The following MYH7 variants were observed in gnomAD, a reference collection of about 807,000 sequenced individuals.
MYH7 encodes myosin-7.
In MYH7, 129 loss-of-function variants were observed where a neutral mutation model predicts 225.4. The observed-to-expected ratio is 0.57, with a 90% confidence interval of 0.50 to 0.66. The LOEUF (loss-of-function observed/expected upper bound fraction) is 0.66, where lower values mean the gene tolerates loss of function less well. Among genes scored for constraint, MYH7 ranks in the 30% least tolerant of loss-of-function variants. The pLI is 0.00. For missense variants in MYH7, 1,649 were observed against 2,517.0 expected, an observed-to-expected ratio of 0.66 and a Z score of 7.38; for synonymous variants, 971 against 1,007.6, an observed-to-expected ratio of 0.96 and a Z score of 0.69.
Position 23,430,929 on chromosome 14 carries a change from G to T in MYH7, c.867C>A (p.Ile289=), listed in dbSNP as rs1490031800. The T allele has an allele frequency of 1.9e-6, 3 of 1,613,988 alleles. No individual in the cohort carries two copies. The highest frequency in any genetic ancestry group is 2.5e-6 in the Non-Finnish European group (3 of 1,179,848). Residue 289 remains isoleucine (I), a synonymous_variant, in exon 10 of 40, where the codon ATC becomes ATA. Coordinates refer to ENST00000355349, the MANE Select transcript of MYH7 (RefSeq NM_000257.4). ...GCAGCTCAGGCTTTTTGTTAGACAG[G>T]ATTTGGTAGAAAATGTGATAATCTC... ...AERDYHIFYQ[I]LSNKKPELLD...
intron 1 of MYH7, among the ~76,000 whole-genome samples, chr14:23,435,135 C>G (rs1490969267): frequency 6.6e-6 from 1 of 152,078 alleles, no homozygotes; most frequent in Non-Finnish European, 1.5e-5. Flanking sequence ...GAGGCATAGA[C>G]AAGAACCTCT....
chr14:23,429,730 C>T, intron 12 of MYH7, 45 bp downstream of exon 12: 1 of 1,608,854 alleles, frequency 6.2e-7, no homozygotes. Flanking sequence ...GCAGACATGG[C>T]CCTCCATGAC....
chr14:23,422,876 G>A (rs1046864957), intron 24 of MYH7, among the ~76,000 whole-genome samples: 11 of 152,076 alleles, frequency 7.2e-5, no homozygotes, highest in East Asian at 5.8e-4. Context: ...TGATCCACCC[G>A]CCTTGGCCTC....
In MYH7 at chr14:23,419,630, A is replaced by T. The variant is rs1464476773; in HGVS notation, c.3727-21T>A. 6.3e-7 allele frequency: 1 copy of T among 1,594,986 alleles called. No individual in the cohort carries two copies. Among genetic ancestry groups the T allele is most frequent in the East Asian group, 2.3e-5 (1 of 44,192 alleles). On this transcript the variant is annotated intron_variant, in intron 27 of 39. Transcript: ENST00000355349. ...TTAGCCTGAGAAGGGAAGGAGAGTT[A>T]TATGATGGATGTTGGGGGCGGGGGG...
intron 4 of MYH7, 124 bp downstream of exon 4, chr14:23,432,960 A>G: frequency 6.6e-7 from 1 of 1,522,540 alleles, no homozygotes; most frequent in Non-Finnish European, 9.0e-7. Flanking sequence ...TGAACCAAGG[A>G]TGTTGGGACG....
At chr14:23,431,896 G>A (rs201586880) in intron 6 of MYH7, 27 bp from the exon 7 acceptor site, 2 of 1,600,148 alleles carry the variant, frequency 1.2e-6, no homozygotes, top group East Asian at 4.5e-5. Flanking sequence ...TTATTGGGCA[G>A]TGAACAATAC....
At chr14:23,417,374 G>A in intron 31 of MYH7, 56 bp from the exon 32 acceptor site, 1 of 1,611,970 alleles carries the variant, frequency 6.2e-7, no homozygotes, top group Non-Finnish European at 8.5e-7. Context: ...CATGTCCAGG[G>A]TCTGTCTCAG....
chr14:23,431,162 C>A (rs868799170), intron 9 of MYH7, among the ~76,000 whole-genome samples, 163 bp from the exon 10 acceptor site: 7 of 151,950 alleles, frequency 4.6e-5, no homozygotes, highest in Non-Finnish European at 8.8e-5. Context: ...GAAACAGAGA[C>A]CCAGAAGGAG....
At position 23,425,628 on chromosome 14, in the gene MYH7, G is replaced by A. The variant is rs1892663486; in HGVS notation, c.2286+67C>T. On this transcript the variant is annotated intron_variant, in intron 20 of 39. Transcript: ENST00000355349. This position sits in a 1 kb window ranked among gnomAD's most constrained non-coding sequence, Gnocchi z 4.6. ...GATTTTGCTAAGATGATTACAACAG[G>A]AAAAGCATCAGAGGAGTCAATGGAA... The A allele has an allele frequency of 1.9e-6, 3 of 1,611,570 alleles. No homozygotes were observed. Among genetic ancestry groups the A allele is most frequent in the African/African-American group, 2.7e-5 (2 of 74,880 alleles).
In MYH7 at chr14:23,425,155, T is replaced by C; in HGVS notation, c.2423+127A>G. On this transcript the variant is annotated intron_variant, in intron 21 of 39. Coordinates refer to ENST00000355349, the MANE Select transcript of MYH7 (RefSeq NM_000257.4). The surrounding 1 kb of genome is among the most constrained non-coding windows in gnomAD (Gnocchi z 4.6). ...GAGGCCTCTGACCCTGTGACTGCAG[T>C]GTGTTCATATGAGCCCCTCCTGCAG... 3 of 1,593,268 alleles carry C rather than the reference T, an allele frequency of 1.9e-6. No homozygotes were observed. In the South Asian group the frequency reaches 3.3e-5, roughly 18 times the overall value.
chr14:23,421,182 G>A lies in MYH7; in HGVS notation c.3246-134C>T, dbSNP rs540314115. On this transcript the variant is annotated intron_variant, in intron 25 of 39. Coordinates refer to ENST00000355349, the MANE Select transcript of MYH7 (RefSeq NM_000257.4). Reference sequence around the variant, plus strand: ...AAAAACAGCTTCTGGGGGTGATGTAGGATCCCTGGAAGTGTAACACCTGCG... The same window carrying A: ...AAAAACAGCTTCTGGGGGTGATGTAAGATCCCTGGAAGTGTAACACCTGCG... The A allele has an allele frequency of 1.1e-5, 8 of 713,930 alleles. No homozygotes were observed. In the South Asian group the frequency reaches 1.2e-4, roughly 11 times the overall value. 44.2% of individuals were successfully genotyped at this position (713,930 alleles called of 1,614,324 possible).
intron 25 of MYH7, chr14:23,421,854 A>T (rs749021736): frequency 2.3e-6 from 2 of 877,900 alleles, no homozygotes; most frequent in African/African-American, 3.7e-5. Context: ...TCTCATGTGG[A>T]GCCTTCCTCC....
intron 18 of MYH7, 130 bp from the exon 19 acceptor site, chr14:23,426,211 T>G (rs1322454658): frequency 9.2e-7 from 1 of 1,089,822 alleles, no homozygotes; most frequent in Non-Finnish European, 1.3e-6. Flanking sequence ...TTGTTTCATT[T>G]TCTTCTAGCC....
At position 23,418,336 on chromosome 14, in the gene MYH7, T is replaced by A; in HGVS notation, c.4043A>T (p.Glu1348Val). The A allele has an allele frequency of 6.2e-7, 1 of 1,613,910 alleles. No homozygotes were observed. Among genetic ancestry groups the A allele is most frequent in the African/African-American group, 1.3e-5 (1 of 75,042 alleles). The stretch of plus-strand genomic sequence containing the variant: ...CTCGGCCTTGGCCTCCGTCTCCTCC[T>A]CGTACTGCTCCCGCAGCAGGTCGCA... ...HDCDLLREQYEEETEAKAELQ... is the reference protein window; with the variant it reads ...HDCDLLREQYVEETEAKAELQ... The change falls in exon 30 of 40, where the codon GAG becomes GTG. Residue 1348 changes from glutamate (E) to valine (V), a missense_variant. Glu to Val is a moderately radical substitution (Grantham distance 121). Transcript: ENST00000355349.
chr14:23,424,254 G>A (rs1180778737), intron 22 of MYH7, 105 bp from the exon 23 acceptor site: 3 of 1,453,396 alleles, frequency 2.1e-6, no homozygotes, highest in African/African-American at 1.4e-5. Flanking sequence ...GTAACTCTAG[G>A]ATATCCCCAC....
At chr14:23,430,822 G>A (rs1892899688) in intron 10 of MYH7, 79 bp downstream of exon 10, 4 of 1,327,308 alleles carry the variant, frequency 3.0e-6, no homozygotes, top group South Asian at 2.3e-5. Context: ...CCCAGGGCAT[G>A]CCAGCTGAGT....
rs1566533909 is a variant in MYH7, at chr14:23,427,613, C to G, written c.1860G>C (p.Leu620=). ...CATCAGCCCCAGCATAGTTGGCAAA[C>G]AGGGTGCTGAGCAGCTTGAGGGAAG... The part of the protein sequence containing the change: ...QKSSLKLLST[L]FANYAGADAP... The change falls in exon 16 of 40, where the codon CTG becomes CTC. Residue 620 remains leucine (L), a synonymous_variant. Transcript: ENST00000355349. 1 of 1,614,168 alleles carries G rather than the reference C, an allele frequency of 6.2e-7. No individual in the cohort carries two copies. The highest frequency in any genetic ancestry group is 2.2e-5 in the East Asian group (1 of 44,888).
rs1892459660 is a variant in MYH7 at position 23,421,149 on chromosome 14, T to C, written c.3246-101A>G. On this transcript the variant is annotated intron_variant, in intron 25 of 39. Coordinates refer to ENST00000355349, the MANE Select transcript of MYH7 (RefSeq NM_000257.4). ...TAATGATACAGGTAAAGAGTAGGAT[T>C]TCATTAGAAAAACAGCTTCTGGGGG... 3 of 871,040 alleles carry C rather than the reference T, an allele frequency of 3.4e-6. No homozygotes were observed. In the East Asian group the frequency reaches 7.4e-5, roughly 22 times the overall value. The allele number at this position is 871,040 out of a possible 1,614,324, so 54.0% of individuals were successfully genotyped here.
chr14:23,423,507 A>C, intron 24 of MYH7, 40 bp downstream of exon 24: 1 of 1,609,098 alleles, frequency 6.2e-7, no homozygotes, highest in Non-Finnish European at 8.5e-7. Flanking sequence ...GCACAGATAG[A>C]CATGGCATAT....
Sources: allele counts gnomAD v4.1 joint callset (sites outside exome capture counted in the v4.1 genomes callset), GRCh38; gene constraint gnomAD v4.1.1; non-coding constraint Gnocchi (gnomAD v3.1); transcripts MANE v1.5; gene names NCBI Gene and HGNC (gene_info 2026-07-23, HGNC 2026-07-21).